The following TNFRSF9 variants were observed in gnomAD, a reference collection of about 807,000 sequenced individuals.
The protein encoded by TNFRSF9 is tumor necrosis factor receptor superfamily member 9.
TNFRSF9 carries 16 observed loss-of-function variants against 28.8 expected under a neutral mutation model. That is an observed-to-expected ratio of 0.55 (90% CI 0.38 to 0.84). TNFRSF9 has a LOEUF of 0.84. TNFRSF9 is among the 40% of genes least tolerant of loss of function. The pLI, the probability that TNFRSF9 is intolerant of heterozygous loss-of-function variation, is 0.00. For missense variants in TNFRSF9, 303 were observed against 315.0 expected (o/e 0.96, Z 0.29); for synonymous variants, 131 against 117.0 (o/e 1.12, Z -0.77).
intron 7 of TNFRSF9, among the ~76,000 whole-genome samples, chr1:7,926,707 T>C (rs1639660935): frequency 6.6e-6 from 1 of 152,174 alleles, no homozygotes; most frequent in African/African-American, 2.4e-5. Flanking sequence ...TAATCAAGGC[T>C]GTGTGGTATT....
At chr1:7,934,894 T>G in intron 6 of TNFRSF9, 119 bp downstream of exon 6, 1 of 1,341,632 alleles carries the variant, frequency 7.5e-7, no homozygotes, top group Non-Finnish European at 1.0e-6. Context: ...AGGGCAGGAT[T>G]CAGGAAGAAT....
At chr1:7,931,626 T>C (rs1033080233) in intron 7 of TNFRSF9, among the ~76,000 whole-genome samples, 2 of 152,240 alleles carry the variant, frequency 1.3e-5, no homozygotes, top group Admixed American at 1.3e-4. Flanking sequence ...CTAGATGTGG[T>C]TAGCAGTAGT....
chr1:7,924,313 ATATATATATATATATATATAT>A lies in TNFRSF9; in HGVS notation c.680-3411_680-3391del, dbSNP rs1352703008. 1.5e-4 allele frequency among the ~76,000 whole-genome samples: 16 copies of A among 108,580 alleles called. 1 individual carries two copies. The East Asian group carries it at 2.6e-3, about 17-fold the overall frequency. 71.2% of individuals were successfully genotyped at this position (108,580 alleles called of 152,430 possible). On this transcript the variant is annotated intron_variant, in intron 7 of 7. Transcript: ENST00000377507. ...ATATTCCATATATATATATATATAT[ATATATATATATATATATATAT>A]AACCAGTTAAGGCCGGGTGTTGTGG...
intron 5 of TNFRSF9, among the ~76,000 whole-genome samples, chr1:7,935,876 G>C (rs1639808766): frequency 6.6e-6 from 1 of 152,230 alleles, no homozygotes; most frequent in Non-Finnish European, 1.5e-5. Context: ...TGTGCTGCCA[G>C]AACTGTTTCA....
At chr1:7,926,566 A>G (rs549198102) in intron 7 of TNFRSF9, among the ~76,000 whole-genome samples, 3 of 152,362 alleles carry the variant, frequency 2.0e-5, no homozygotes, top group Non-Finnish European at 4.4e-5. Context: ...TTTTGTAGAT[A>G]TAGATATTAT....
intron 7 of TNFRSF9, among the ~76,000 whole-genome samples, chr1:7,929,535 C>T (rs1329131067): frequency 2.0e-5 from 3 of 152,110 alleles, no homozygotes; most frequent in Non-Finnish European, 1.5e-5. Flanking sequence ...ATTCCCACTG[C>T]AATGCTACTC....
At chr1:7,924,263 A>G (rs1266426568) in intron 7 of TNFRSF9, among the ~76,000 whole-genome samples, 1 of 148,620 alleles carries the variant, frequency 6.7e-6, no homozygotes, top group Non-Finnish European at 1.5e-5. Flanking sequence ...TTACTATACC[A>G]TACTTTTTAT....
At chr1:7,932,853 A>G (rs1639753993) in intron 7 of TNFRSF9, among the ~76,000 whole-genome samples, 2 of 152,104 alleles carry the variant, frequency 1.3e-5, no homozygotes, top group South Asian at 4.1e-4. Context: ...CCACCTCAGC[A>G]CTATTGACAT....
chr1:7,935,722 G>A (rs756745985), intron 5 of TNFRSF9, among the ~76,000 whole-genome samples: 8 of 152,178 alleles, frequency 5.3e-5, no homozygotes, highest in Middle Eastern at 3.4e-3. Context: ...CCAGCTACTC[G>A]GGAGACTGAG....
At position 7,920,509 on chromosome 1, in the gene TNFRSF9, G is replaced by A. The variant is rs545713939; in HGVS notation, c.*326C>T. On this transcript the variant is annotated 3_prime_UTR_variant, in exon 8 of 8. Coordinates refer to ENST00000377507, the MANE Select transcript of TNFRSF9 (RefSeq NM_001561.6). ...AACAAAAAACAAAAAAGTTAGTCAG[G>A]TGTGGTGGCCCTTCCTTGTAGTTCC... 10 of 221,816 alleles carry A rather than the reference G, an allele frequency of 4.5e-5. No homozygotes were observed. The highest frequency in any genetic ancestry group is 2.2e-4 in the Admixed American group (4 of 18,206). The allele number at this position is 221,816 out of a possible 1,614,324, so 13.7% of individuals were successfully genotyped here. A position where few individuals can be genotyped will look rare whatever the true frequency, so the allele number is the denominator to read the frequency against.
Position 7,933,233 on chromosome 1 carries a change from A to G in TNFRSF9, c.608T>C (p.Leu203Pro). 6.2e-7 allele frequency: 1 copy of G among 1,614,078 alleles called. No homozygotes were observed. The highest frequency in any genetic ancestry group is 8.5e-7 in the Non-Finnish European group (1 of 1,179,922). Residue 203 changes from leucine to proline, a missense_variant, in exon 7 of 8, where the codon CTG becomes CCG. By Grantham distance (98) the Leu-to-Pro change is moderately conservative (BLOSUM62 -3). Transcript: ENST00000377507. The stretch of plus-strand genomic sequence containing the variant: ...AGAGAAACGGAGCGTGAGGAAGAAC[A>G]GCAGGAAGAGCAACGCAGTCGACGT... Reference protein sequence around the residue: ...ALTSTALLFLLFFLTLRFSVV... With the variant: ...ALTSTALLFLPFFLTLRFSVV...
At chr1:7,929,071 T>C (rs1639694191) in intron 7 of TNFRSF9, among the ~76,000 whole-genome samples, 1 of 152,034 alleles carries the variant, frequency 6.6e-6, no homozygotes, top group Non-Finnish European at 1.5e-5. Flanking sequence ...AAAAAATACT[T>C]CTGCCGGTAT....
intron 5 of TNFRSF9, among the ~76,000 whole-genome samples, chr1:7,935,968 A>G (rs1408232239): frequency 6.6e-6 from 1 of 152,138 alleles, no homozygotes; most frequent in Non-Finnish European, 1.5e-5. Context: ...TATCACCATC[A>G]TCGCCATCAT....
At chr1:7,921,008 A>G in intron 7 of TNFRSF9, 85 bp from the exon 8 acceptor site, 3 of 998,186 alleles carry the variant, frequency 3.0e-6, no homozygotes, top group Admixed American at 1.8e-5. Flanking sequence ...TAGCTGCAGA[A>G]CATCTCTAAG....
Position 7,939,985 on chromosome 1 carries a change from T to C in TNFRSF9, c.10A>G (p.Ser4Gly), listed in dbSNP as rs921425538. 1.3e-6 allele frequency: 2 copies of C among 1,591,320 alleles called. No individual in the cohort carries two copies. The highest frequency in any genetic ancestry group is 1.7e-6 in the Non-Finnish European group (2 of 1,161,920). The change falls in exon 2 of 8, where the codon AGC becomes GGC. Residue 4 changes from serine (S) to glycine (G), a missense_variant. Ser to Gly is a moderately conservative substitution (Grantham distance 56). Coordinates refer to ENST00000377507, the MANE Select transcript of TNFRSF9 (RefSeq NM_001561.6). Reference protein sequence around the residue: MGNSCYNIVATLLL... With the variant: MGNGCYNIVATLLL... ...AGAGTGGCTACTATGTTGTAACAGC[T>C]GTTTCCCATGATGAAATCTGGCACA...
Position 7,937,748 on chromosome 1 carries a change from C to T in TNFRSF9, c.355G>A (p.Asp119Asn). 6.2e-7 allele frequency: 1 copy of T among 1,611,896 alleles called. No homozygotes were observed. Among genetic ancestry groups the T allele is most frequent in the Non-Finnish European group, 8.5e-7 (1 of 1,178,400 alleles). ...GQELTKKGCK[D>N]CCFGTFNDQK... ...TCGTTAAATGTCCCAAAGCAACAGT[C>T]TTTACAACCTTGTATTAAAAATGAA... Residue 119 changes from aspartate to asparagine, a missense_variant, in exon 5 of 8, where the codon GAC (aspartate) becomes AAC (asparagine). Coordinates refer to ENST00000377507, the MANE Select transcript of TNFRSF9 (RefSeq NM_001561.6).
intron 2 of TNFRSF9, 120 bp downstream of exon 2, chr1:7,939,775 A>G: frequency 1.5e-6 from 1 of 667,634 alleles, no homozygotes; most frequent in South Asian, 3.1e-5. Context: ...AAACATTTGT[A>G]AATGAATGAA....
Position 7,927,580 on chromosome 1 carries a change from T to C in TNFRSF9, c.679+5582A>G, listed in dbSNP as rs183230383. Among the ~76,000 whole-genome samples, 3 of 151,782 alleles carry C rather than the reference T, an allele frequency of 2.0e-5. No individual in the cohort carries two copies. In the South Asian group the frequency reaches 6.2e-4, roughly 32 times the overall value. The stretch of plus-strand genomic sequence containing the variant: ...TACTTGGGAGGCCAAGGAGGGAGGA[T>C]CACTTGAGCCCAGGAGGTGGAGGCT... On this transcript the variant is annotated intron_variant, in intron 7 of 7. Transcript: ENST00000377507.
In TNFRSF9 at chr1:7,917,979, T is replaced by TATATATATATATATAG. The variant is rs370720177; in HGVS notation, c.*2855_*2856insCTATATATATATATAT. 1.5e-4 allele frequency: 20 copies of TATATATATATATATAG among 131,012 alleles called. No individual in the cohort carries two copies. Among genetic ancestry groups the TATATATATATATATAG allele is most frequent in the African/African-American group, 5.4e-4 (18 of 33,598 alleles). 8.1% of individuals were successfully genotyped at this position (131,012 alleles called of 1,614,324 possible). On this transcript the variant is annotated 3_prime_UTR_variant, in exon 8 of 8. Coordinates refer to ENST00000377507, the MANE Select transcript of TNFRSF9 (RefSeq NM_001561.6). ...GGATATATATATATATATATATAGA[T>TATATATATATATATAG]ATAGATAGATAGATAGATAGATAGG...
Sources: gnomAD v4.1 joint callset for allele counts (sites outside exome capture counted in the v4.1 genomes callset) on GRCh38, gnomAD v4.1.1 for gene constraint, MANE v1.5 for transcripts, NCBI Gene and HGNC (gene_info 2026-07-23, HGNC 2026-07-21) for gene names.